Variants in FRRS1 observed in about 807,000 individuals in gnomAD.
FRRS1 encodes ferric chelate reductase 1, also known as ferric reductase 1.
Under a neutral mutation model 70.7 loss-of-function variants are expected in FRRS1, and 51 were observed. The observed-to-expected ratio is 0.72, with a 90% confidence interval of 0.58 to 0.91. The LOEUF (loss-of-function observed/expected upper bound fraction) is 0.91. Ranked by LOEUF, FRRS1 falls within the 40% of genes least tolerant of loss-of-function variation. The pLI is 0.00. For missense variants in FRRS1, 672 were observed against 726.0 expected (o/e 0.93, Z 0.86); for synonymous variants, 225 against 238.7 (o/e 0.94, Z 0.53).
intron 1 of FRRS1, among the ~76,000 whole-genome samples, chr1:99,763,774 A>T (rs888692863): frequency 4.6e-5 from 7 of 151,956 alleles, no homozygotes; most frequent in African/African-American, 1.7e-4. Flanking sequence ...AGGCTGAGGC[A>T]GAAGAATCGC....
chr1:99,761,375 G>A (rs889917151), intron 1 of FRRS1, among the ~76,000 whole-genome samples: 8 of 151,888 alleles, frequency 5.3e-5, no homozygotes, highest in South Asian at 2.1e-4. Flanking sequence ...CAATCCTCCC[G>A]CTTGGCCTCC....
At position 99,718,621 on chromosome 1, in the gene FRRS1, G is replaced by A. The variant is rs569639619; in HGVS notation, c.1120+913C>T. Among the ~76,000 whole-genome samples the A allele has an allele frequency of 2.0e-5, 3 of 152,184 alleles. No homozygotes were observed. In the South Asian group the frequency reaches 6.2e-4, roughly 32 times the overall value. On this transcript the variant is annotated intron_variant, in intron 10 of 16. Coordinates refer to ENST00000646001, the MANE Select transcript of FRRS1 (RefSeq NM_001361041.2). ...TGGGATTACAGGCATGAGCCACCGCGTACGGCCTAGAGCCTTGTTTTTAGG... is the reference window on the plus strand; with the variant it reads ...TGGGATTACAGGCATGAGCCACCGCATACGGCCTAGAGCCTTGTTTTTAGG...
chr1:99,712,570 C>T, intron 12 of FRRS1, 55 bp from the exon 13 acceptor site: 1 of 989,058 alleles, frequency 1.0e-6, no homozygotes, highest in Non-Finnish European at 1.5e-6. Context: ...AATTTAAATC[C>T]TCAAGTTAAA....
At chr1:99,728,728 C>A in intron 8 of FRRS1, 88 bp from the exon 9 acceptor site, 1 of 1,142,964 alleles carries the variant, frequency 8.7e-7, no homozygotes, top group Non-Finnish European at 1.2e-6. Context: ...TGTTCAGTTT[C>A]CTTTCTCTAA....
At chr1:99,710,681 G>A in intron 15 of FRRS1, 125 bp downstream of exon 15, 1 of 725,908 alleles carries the variant, frequency 1.4e-6, no homozygotes, top group Non-Finnish European at 2.2e-6. Context: ...AGCACTGGCT[G>A]AGTGATCACA....
At chr1:99,740,125 A>G (rs1006217520) in intron 6 of FRRS1, among the ~76,000 whole-genome samples, 3 of 152,230 alleles carry the variant, frequency 2.0e-5, no homozygotes, top group Admixed American at 6.5e-5. Flanking sequence ...ATGAGATCTA[A>G]GAGTTATTAT....
intron 4 of FRRS1, among the ~76,000 whole-genome samples, chr1:99,744,392 A>G (rs1027907184): frequency 6.6e-6 from 1 of 152,214 alleles, no homozygotes; most frequent in African/African-American, 2.4e-5. Context: ...CAAGAGAAGC[A>G]GCTTCTATTG....
intron 1 of FRRS1, among the ~76,000 whole-genome samples, chr1:99,755,007 T>C (rs1180655864): frequency 6.6e-6 from 1 of 151,872 alleles, no homozygotes; most frequent in African/African-American, 2.4e-5. Context: ...AAGAAACAAA[T>C]GAACCAACCA....
chr1:99,742,133 CA>C, intron 5 of FRRS1, 45 bp downstream of exon 5: 1 of 1,197,894 alleles, frequency 8.3e-7, no homozygotes, highest in Non-Finnish European at 1.2e-6. Context: ...GGATTATAGG[CA>C]TGAGCCACCA....
At chr1:99,754,752 G>T (rs1656750366) in intron 1 of FRRS1, among the ~76,000 whole-genome samples, 2 of 152,204 alleles carry the variant, frequency 1.3e-5, no homozygotes, top group Non-Finnish European at 2.9e-5. Flanking sequence ...CAAAAGCAGT[G>T]CTTAACGGGA....
rs758924627 is a variant in FRRS1, at chr1:99,712,400, T to C, written c.1421+18A>G. The C allele has an allele frequency of 8.6e-6, 13 of 1,511,192 alleles. No homozygotes were observed. Among genetic ancestry groups the C allele is most frequent in the Non-Finnish European group, 1.0e-5 (11 of 1,100,940 alleles). 93.6% of individuals were successfully genotyped at this position (1,511,192 alleles called of 1,614,324 possible). A position where few individuals can be genotyped will look rare whatever the true frequency, so the allele number is the denominator to read the frequency against. Reference sequence around the variant, plus strand: ...TATCTACATTAAGAGAGCATTTATATAGAAAGGCTCTAAGTACCTTGGGTC... The same window carrying C: ...TATCTACATTAAGAGAGCATTTATACAGAAAGGCTCTAAGTACCTTGGGTC... On this transcript the variant is annotated intron_variant, in intron 13 of 16. Transcript: ENST00000646001.
chr1:99,728,946 A>G (rs1239586778), intron 8 of FRRS1, among the ~76,000 whole-genome samples: 1 of 152,250 alleles, frequency 6.6e-6, no homozygotes, highest in Admixed American at 6.5e-5. Flanking sequence ...GGCCACTAGT[A>G]TACAATCAAA....
In FRRS1 at chr1:99,728,644, C is replaced by T. The variant is rs750672198; in HGVS notation, c.859-4G>A. 3.8e-5 allele frequency: 62 copies of T among 1,612,522 alleles called. No homozygotes were observed. The Middle Eastern group carries it at 5.0e-4, about 13-fold the overall frequency. On this transcript the variant is annotated splice_region_variant and splice_polypyrimidine_tract_variant and intron_variant, in intron 8 of 16. Transcript: ENST00000646001. The stretch of plus-strand genomic sequence containing the variant: ...AAGCCATATCCTCAAGGGTATCCTA[C>T]AAACACACACAATGGGTCTTCTCAG...
intron 1 of FRRS1, 135 bp from the exon 2 acceptor site, chr1:99,749,136 A>C: frequency 5.6e-6 from 1 of 178,522 alleles, no homozygotes; most frequent in Non-Finnish European, 1.2e-5. Context: ...CCCGGGTTCA[A>C]GTGATTCTCT....
Position 99,708,306 on chromosome 1 carries a change from A to G in FRRS1, c.*722T>C, listed in dbSNP as rs1654087277. Among the ~76,000 whole-genome samples, 1 of 152,128 alleles carries G rather than the reference A, an allele frequency of 6.6e-6. No individual in the cohort carries two copies. The highest frequency in any genetic ancestry group is 3.2e-3 in the Middle Eastern group (1 of 316). The stretch of plus-strand genomic sequence containing the variant: ...CCACAGCACCTTTGTAGTTCAAAAT[A>G]TATTTACCATAGGCTGGGCGTGGTG... On this transcript the variant is annotated 3_prime_UTR_variant, in exon 17 of 17. Coordinates refer to ENST00000646001, the MANE Select transcript of FRRS1 (RefSeq NM_001361041.2).
intron 6 of FRRS1, among the ~76,000 whole-genome samples, chr1:99,739,720 T>C (rs1192431552): frequency 6.6e-6 from 1 of 152,218 alleles, no homozygotes; most frequent in African/African-American, 2.4e-5. Context: ...ATTTTAATTC[T>C]TACAGTGATA....
chr1:99,733,866 A>G (rs376033454), intron 7 of FRRS1, among the ~76,000 whole-genome samples: 3 of 152,320 alleles, frequency 2.0e-5, no homozygotes, highest in Admixed American at 6.5e-5. Flanking sequence ...CATCCCACAT[A>G]TTACTTATTA....
rs1483642858 is a variant in FRRS1, at chr1:99,706,813, AC to A, written c.*2214del. Among the ~76,000 whole-genome samples, 2 of 151,270 alleles carry A rather than the reference AC, an allele frequency of 1.3e-5. No individual in the cohort carries two copies. The highest frequency in any genetic ancestry group is 1.3e-4 in the Admixed American group (2 of 15,168). The stretch of plus-strand genomic sequence containing the variant: ...GGAGACTGAGACAAGACTCGCTTGA[AC>A]CCAGGAGGTGGAGGCTGCAGTGAGC... On this transcript the variant is annotated 3_prime_UTR_variant, in exon 17 of 17. Transcript: ENST00000646001.
At chr1:99,740,082 T>C (rs1188771680) in intron 6 of FRRS1, among the ~76,000 whole-genome samples, 2 of 152,200 alleles carry the variant, frequency 1.3e-5, no homozygotes, top group African/African-American at 4.8e-5. Flanking sequence ...GTTCAGCATA[T>C]ACAATTCCCT....
Sources: gnomAD v4.1 joint callset for allele counts (sites outside exome capture counted in the v4.1 genomes callset) on GRCh38, gnomAD v4.1.1 for gene constraint, MANE v1.5 for transcripts, NCBI Gene and HGNC (gene_info 2026-07-23, HGNC 2026-07-21) for gene names.